TENM3: variants seen among roughly 807,000 people sequenced by gnomAD.
The protein encoded by TENM3 is teneurin transmembrane protein 3.
Under a neutral mutation model 255.1 loss-of-function variants are expected in TENM3, and 63 were observed. The ratio of observed to expected loss-of-function variants is 0.25; its 90% CI spans 0.20 to 0.30. The LOEUF (loss-of-function observed/expected upper bound fraction) is 0.30. Ranked by LOEUF, TENM3 falls within the 10% of genes least tolerant of loss-of-function variation. The probability of loss-of-function intolerance (pLI) is 1.00; values close to 1 mark genes in which losing one functional copy is unlikely to be tolerated. For synonymous variants in TENM3, 1,306 were observed against 1,322.3 expected, an observed-to-expected ratio of 0.99 and a Z score of 0.27; for missense variants, 2,929 against 3,461.1, an observed-to-expected ratio of 0.85 and a Z score of 3.86.
the TENM3 span, among the ~76,000 whole-genome samples, chr4:181,712,025 G>A: frequency 7.9e-5 from 12 of 151,958 alleles, no homozygotes; most frequent in Admixed American, 3.9e-4. Flanking sequence ...TACAATTATC[G>A]GTCAAATTCC....
rs557615228 is a variant in TENM3 at position 182,250,121 on chromosome 4, G to T, written c.-76+6645G>T. ...AGACTGGAGTGCAGTGGTGCGATCT[G>T]GGCTCACTGCAAGCTCTGCCTCCTG... On this transcript the variant is annotated intron_variant, in intron 1 of 27. Coordinates refer to ENST00000511685, the MANE Select transcript of TENM3 (RefSeq NM_001080477.4). Among the ~76,000 whole-genome samples, 242 of 144,292 alleles carry T rather than the reference G, an allele frequency of 1.7e-3. 1 individual carries two copies. Among genetic ancestry groups the T allele is most frequent in the Admixed American group, 3.0e-3 (42 of 14,108 alleles). The allele number at this position is 144,292 out of a possible 152,430, so 94.7% of individuals were successfully genotyped here.
the TENM3 span, among the ~76,000 whole-genome samples, chr4:181,739,023 G>C: frequency 2.6e-5 from 4 of 152,082 alleles, no homozygotes; most frequent in African/African-American, 4.8e-5. Context: ...CTCCGTCACT[G>C]AACCCATGAA....
At position 182,789,123 on chromosome 4, in the gene TENM3, T is replaced by C; in HGVS notation, c.5335T>C (p.Phe1779Leu). ...TGGCAGAAACCTCCTTTCAGTTGAC[T>C]TTGATCGAACAACAAAGACAGAAAA... ...VNGRNLLSVDFDRTTKTEKIY... is the reference protein window; with the variant it reads ...VNGRNLLSVDLDRTTKTEKIY... Residue 1779 changes from phenylalanine to leucine, a missense_variant, in exon 25 of 28, where the codon TTT becomes CTT. Transcript: ENST00000511685. This position sits in a 1 kb window ranked among gnomAD's most constrained non-coding sequence, Gnocchi z 4.4. 6.2e-7 allele frequency: 1 copy of C among 1,610,372 alleles called. No individual in the cohort carries two copies.
chr4:181,543,764 C>T, the TENM3 span, among the ~76,000 whole-genome samples: 1 of 152,184 alleles, frequency 6.6e-6, no homozygotes, highest in South Asian at 2.1e-4. Context: ...TCGTATTAGG[C>T]TGATGAAGCC....
At chr4:182,589,782 G>A (rs1197037202) in intron 3 of TENM3, among the ~76,000 whole-genome samples, 6 of 152,072 alleles carry the variant, frequency 3.9e-5, no homozygotes, top group Non-Finnish European at 8.8e-5. Flanking sequence ...AGACCAGCCT[G>A]GCCAACATGG....
the TENM3 span, chr4:181,820,406 T>G: frequency 1.3e-5 from 2 of 152,130 alleles, no homozygotes; most frequent in Non-Finnish European, 2.9e-5. Context: ...CACAGTAGAT[T>G]AAGTACAAGA....
intron 1 of TENM3, among the ~76,000 whole-genome samples, chr4:182,160,129 A>G (rs892879512): frequency 6.7e-6 from 1 of 149,962 alleles, no homozygotes; most frequent in African/African-American, 2.4e-5. Flanking sequence ...CAGCCTCCCG[A>G]GTAGCTGGGA....
chr4:182,497,878 A>ATATATG (rs1446346027), intron 3 of TENM3, among the ~76,000 whole-genome samples: 2,273 of 142,840 alleles, frequency 0.016, 23 homozygotes, highest in Middle Eastern at 0.029. Context: ...ATATATATAT[A>ATATATG]TATATCTCAA....
chr4:182,025,883 T>G, the TENM3 span, among the ~76,000 whole-genome samples: 1 of 152,176 alleles, frequency 6.6e-6, no homozygotes, highest in Non-Finnish European at 1.5e-5. Context: ...TGTGCAGGTT[T>G]GTTACATAGG....
the TENM3 span, among the ~76,000 whole-genome samples, chr4:181,502,975 G>T: frequency 6.6e-6 from 1 of 152,144 alleles, no homozygotes; most frequent in African/African-American, 2.4e-5. Flanking sequence ...CAGACCACTC[G>T]CTGGCCGTGA....
chr4:182,699,205 G>T (rs1454661007), intron 12 of TENM3, among the ~76,000 whole-genome samples: 2 of 152,224 alleles, frequency 1.3e-5, no homozygotes, highest in African/African-American at 2.4e-5. Context: ...AGGCCCACTG[G>T]AAGGCGGGCC....
the TENM3 span, among the ~76,000 whole-genome samples, chr4:181,616,976 G>A: frequency 6.6e-6 from 1 of 152,116 alleles, no homozygotes; most frequent in Non-Finnish European, 1.5e-5. Flanking sequence ...CCTTATTCCA[G>A]TCAGGTAGAC....
intron 3 of TENM3, among the ~76,000 whole-genome samples, chr4:182,445,237 A>C (rs991000509): frequency 6.6e-6 from 1 of 152,246 alleles, no homozygotes; most frequent in Non-Finnish European, 1.5e-5. Flanking sequence ...ATGTGGGCAC[A>C]TGATTAACTT....
the TENM3 span, among the ~76,000 whole-genome samples, chr4:181,916,885 CA>C: frequency 6.6e-6 from 1 of 150,802 alleles, no homozygotes; most frequent in Non-Finnish European, 1.5e-5. Context: ...AACAAACAAA[CA>C]AAAAAAAGGT....
At chr4:182,603,303 T>C (rs1748075289) in intron 4 of TENM3, among the ~76,000 whole-genome samples, 1 of 152,122 alleles carries the variant, frequency 6.6e-6, no homozygotes, top group South Asian at 2.1e-4. Context: ...TATTATACAG[T>C]TTTATGAGTT....
intron 3 of TENM3, among the ~76,000 whole-genome samples, chr4:182,574,657 C>A (rs1310583056): frequency 1.3e-5 from 2 of 152,104 alleles, no homozygotes; most frequent in Admixed American, 1.3e-4. Context: ...TGGCAAATCA[C>A]CTTCTAATAC....
chr4:181,551,998 A>C, the TENM3 span, among the ~76,000 whole-genome samples: 3 of 151,944 alleles, frequency 2.0e-5, no homozygotes, highest in Non-Finnish European at 4.4e-5. Flanking sequence ...ATTAGGCCGT[A>C]AGTTATTTGC....
At chr4:182,627,911 G>A (rs1170255869) in intron 4 of TENM3, among the ~76,000 whole-genome samples, 1 of 151,738 alleles carries the variant, frequency 6.6e-6, no homozygotes, top group African/African-American at 2.4e-5. Context: ...GTTAGGGAAT[G>A]TTTCCGTATT....
chr4:182,264,551 A>G (rs902206598), intron 1 of TENM3, among the ~76,000 whole-genome samples: 6 of 152,176 alleles, frequency 3.9e-5, no homozygotes, highest in African/African-American at 9.7e-5. Context: ...AAAGACAGAG[A>G]CTGTCCTGTG....
Sources: gnomAD v4.1 joint callset for allele counts (sites outside exome capture counted in the v4.1 genomes callset) on GRCh38, gnomAD v4.1.1 for gene constraint, Gnocchi (gnomAD v3.1) non-coding constraint, MANE v1.5 for transcripts, NCBI Gene and HGNC (gene_info 2026-07-23, HGNC 2026-07-21) for gene names.